RSBN1L: variants seen among roughly 807,000 people sequenced by gnomAD.
The protein encoded by RSBN1L is round spermatid basic protein 1 like.
RSBN1L carries 30 observed loss-of-function variants against 67.7 expected under a neutral mutation model. That is an observed-to-expected ratio of 0.44 (90% CI 0.33 to 0.60). RSBN1L has a LOEUF of 0.60. Among genes scored for constraint, RSBN1L ranks in the 20% least tolerant of loss-of-function variants. The pLI, the probability that RSBN1L is intolerant of heterozygous loss-of-function variation, is 0.02. For missense variants in RSBN1L, 992 were observed against 1,031.7 expected (o/e 0.96, Z 0.53); for synonymous variants, 433 against 387.0 (o/e 1.12, Z -1.39).
chr7:77,701,548 C>G (rs889381074), intron 1 of RSBN1L, among the ~76,000 whole-genome samples: 1 of 151,994 alleles, frequency 6.6e-6, no homozygotes, highest in Non-Finnish European at 1.5e-5. Context: ...ATTCTACTAT[C>G]TGGGGAATGT....
chr7:77,713,795 C>T (rs1044320933), intron 1 of RSBN1L, among the ~76,000 whole-genome samples: 7 of 152,088 alleles, frequency 4.6e-5, no homozygotes, highest in African/African-American at 7.2e-5. Flanking sequence ...TGAGCCACCT[C>T]GCCTGGCTCT....
intron 3 of RSBN1L, among the ~76,000 whole-genome samples, chr7:77,761,107 G>A (rs556627314): frequency 2.4e-4 from 36 of 152,328 alleles, no homozygotes; most frequent in African/African-American, 7.5e-4. Flanking sequence ...TAATGGAAAC[G>A]TAGTTTTAAG....
intron 1 of RSBN1L, among the ~76,000 whole-genome samples, chr7:77,714,923 A>G (rs532055081): frequency 1.4e-5 from 2 of 147,394 alleles, no homozygotes; most frequent in Non-Finnish European, 3.0e-5. Flanking sequence ...AGATGGCACT[A>G]CTGCACTCCA....
intron 1 of RSBN1L, among the ~76,000 whole-genome samples, chr7:77,727,811 C>T (rs1791226796): frequency 6.6e-6 from 1 of 152,084 alleles, no homozygotes; most frequent in Admixed American, 6.6e-5. Context: ...TTTAATAATT[C>T]CACATACCTT....
intron 1 of RSBN1L, among the ~76,000 whole-genome samples, chr7:77,712,651 A>G (rs1790990949): frequency 1.3e-5 from 2 of 152,204 alleles, no homozygotes; most frequent in Non-Finnish European, 2.9e-5. Context: ...TTAGCAGTAT[A>G]TTAGAAATAC....
At chr7:77,758,814 T>C (rs968388331) in intron 3 of RSBN1L, among the ~76,000 whole-genome samples, 3 of 152,194 alleles carry the variant, frequency 2.0e-5, no homozygotes, top group African/African-American at 4.8e-5. Context: ...GCAAATAAAA[T>C]AGGAATTTTC....
At chr7:77,737,667 T>A (rs1791354924) in intron 2 of RSBN1L, among the ~76,000 whole-genome samples, 1 of 152,192 alleles carries the variant, frequency 6.6e-6, no homozygotes, top group Non-Finnish European at 1.5e-5. Context: ...TGTAAGCCTT[T>A]GAGGCAGGAA....
In RSBN1L at chr7:77,771,129, A is replaced by C. The variant is rs751829329; in HGVS notation, c.1626-2018A>C. ...GCTAATTTTTGTATTTTCAGTAGAGATGGTGTTTCACCATGTTGGCCAGGA... is the reference window on the plus strand; with the variant it reads ...GCTAATTTTTGTATTTTCAGTAGAGCTGGTGTTTCACCATGTTGGCCAGGA... On this transcript the variant is annotated intron_variant, in intron 5 of 7. Transcript: ENST00000334955. Among the ~76,000 whole-genome samples, 173 of 152,148 alleles carry C rather than the reference A, an allele frequency of 1.1e-3. 2 individuals are homozygous for C. Among genetic ancestry groups the C allele is most frequent in the Non-Finnish European group, 1.7e-3 (114 of 68,006 alleles).
chr7:77,726,331 AT>A (rs1791202880), intron 1 of RSBN1L, among the ~76,000 whole-genome samples: 1 of 152,034 alleles, frequency 6.6e-6, no homozygotes, highest in Non-Finnish European at 1.5e-5. Flanking sequence ...GTCTCGTTAG[AT>A]TCCTTTTGGC....
intron 3 of RSBN1L, among the ~76,000 whole-genome samples, chr7:77,752,306 A>G (rs1338346846): frequency 2.0e-5 from 3 of 152,190 alleles, no homozygotes; most frequent in Non-Finnish European, 2.9e-5. Flanking sequence ...CTGGTGACCT[A>G]AGCATGTCAG....
intron 1 of RSBN1L, among the ~76,000 whole-genome samples, chr7:77,699,518 G>C (rs1790785611): frequency 6.6e-6 from 1 of 152,206 alleles, no homozygotes. Flanking sequence ...AATGTTATTT[G>C]AGTCTGAAGC....
At chr7:77,731,670 T>C (rs1282862906) in intron 1 of RSBN1L, among the ~76,000 whole-genome samples, 1 of 152,236 alleles carries the variant, frequency 6.6e-6, no homozygotes, top group Non-Finnish European at 1.5e-5. Context: ...GTCCCTTGAC[T>C]GTGTCTTCTG....
intron 2 of RSBN1L, among the ~76,000 whole-genome samples, chr7:77,744,943 A>G (rs780405329): frequency 6.6e-6 from 1 of 152,120 alleles, no homozygotes; most frequent in African/African-American, 2.4e-5. Context: ...TCAGGGCTAG[A>G]ATTTAGTGGT....
chr7:77,703,762 A>G (rs1306210231), intron 1 of RSBN1L, among the ~76,000 whole-genome samples: 2 of 151,970 alleles, frequency 1.3e-5, no homozygotes, highest in African/African-American at 4.8e-5. Context: ...TGCTAGGATT[A>G]CAGGCGTGAG....
chr7:77,711,444 G>A (rs1790973346), intron 1 of RSBN1L, among the ~76,000 whole-genome samples: 1 of 151,472 alleles, frequency 6.6e-6, no homozygotes, highest in Admixed American at 6.6e-5. Context: ...GGCTCATGCG[G>A]TCCCCTTGCC....
At chr7:77,721,903 G>A (rs1050252118) in intron 1 of RSBN1L, among the ~76,000 whole-genome samples, 6 of 152,116 alleles carry the variant, frequency 3.9e-5, no homozygotes, top group Non-Finnish European at 5.9e-5. Flanking sequence ...TTACTTGGTG[G>A]AAAGGAAAGA....
chr7:77,714,979 A>G (rs1057178837), intron 1 of RSBN1L, among the ~76,000 whole-genome samples: 3 of 137,158 alleles, frequency 2.2e-5, no homozygotes, highest in Admixed American at 7.3e-5. Context: ...AAAAAAAAAA[A>G]TCTTGTAGTG....
chr7:77,700,329 A>G (rs1201274582), intron 1 of RSBN1L, among the ~76,000 whole-genome samples: 1 of 152,202 alleles, frequency 6.6e-6, no homozygotes, highest in East Asian at 1.9e-4. Context: ...AGTAACCAGC[A>G]AAATTTGTAT....
intron 2 of RSBN1L, among the ~76,000 whole-genome samples, chr7:77,746,394 C>G (rs1412456175): frequency 6.6e-6 from 1 of 152,134 alleles, no homozygotes; most frequent in Non-Finnish European, 1.5e-5. Context: ...CCAGATGTCA[C>G]TCACAATGGT....
Sources: allele counts gnomAD v4.1 joint callset (sites outside exome capture counted in the v4.1 genomes callset), GRCh38; gene constraint gnomAD v4.1.1; transcripts MANE v1.5; gene names NCBI Gene and HGNC (gene_info 2026-07-23, HGNC 2026-07-21).